The following AP2B1 variants were observed in gnomAD, a reference collection of about 807,000 sequenced individuals.
AP2B1 encodes the protein AP-2 complex subunit beta.
AP2B1 carries 23 observed loss-of-function variants against 102.0 expected under a neutral mutation model. The ratio of observed to expected loss-of-function variants is 0.23; its 90% CI spans 0.16 to 0.32. The LOEUF is 0.32. AP2B1 is among the 10% of genes least tolerant of loss of function. The pLI is 1.00. For synonymous variants in AP2B1, 381 were observed against 421.2 expected (o/e 0.90, Z 1.17); for missense variants, 541 against 1,157.4 (o/e 0.47, Z 7.73).
At chr17:35,679,671 G>C (rs1598267233) in intron 17 of AP2B1, among the ~76,000 whole-genome samples, 1 of 152,054 alleles carries the variant, frequency 6.6e-6, no homozygotes, top group East Asian at 1.9e-4. Context: ...TCTTAAATGA[G>C]CACTTGGAAG....
intron 11 of AP2B1, among the ~76,000 whole-genome samples, chr17:35,640,192 C>T (rs887545531): frequency 3.3e-5 from 5 of 149,952 alleles, no homozygotes; most frequent in African/African-American, 4.9e-5. Flanking sequence ...GCTGGGATTA[C>T]GGGCATGAGC....
At chr17:35,690,508 C>T (rs2076020049) in intron 18 of AP2B1, among the ~76,000 whole-genome samples, 1 of 152,208 alleles carries the variant, frequency 6.6e-6, no homozygotes, top group Non-Finnish European at 1.5e-5. Context: ...ATTTTATCCT[C>T]TCTAAAAGAA....
chr17:35,600,954 T>G (rs2073460065), intron 3 of AP2B1: 1 of 977,690 alleles, frequency 1.0e-6, no homozygotes. Flanking sequence ...TCTTCTGAGG[T>G]GAATTTTTGT....
intron 21 of AP2B1, among the ~76,000 whole-genome samples, chr17:35,722,701 T>A (rs2085437415): frequency 6.6e-6 from 1 of 152,118 alleles, no homozygotes; most frequent in Non-Finnish European, 1.5e-5. Flanking sequence ...TCAAGACAAT[T>A]TTTGTTGACC....
chr17:35,719,143 A>C (rs2085277674), intron 21 of AP2B1, among the ~76,000 whole-genome samples: 1 of 152,202 alleles, frequency 6.6e-6, no homozygotes, highest in Non-Finnish European at 1.5e-5. Context: ...CCCATTAATA[A>C]TAACATCTTA....
intron 20 of AP2B1, among the ~76,000 whole-genome samples, chr17:35,715,292 T>G (rs2076530603): frequency 6.6e-6 from 1 of 152,092 alleles, no homozygotes; most frequent in African/African-American, 2.4e-5. Flanking sequence ...TCTAGAAGAG[T>G]GAGAATAAGA....
chr17:35,634,266 G>A (rs2074543906), intron 9 of AP2B1, among the ~76,000 whole-genome samples: 1 of 152,196 alleles, frequency 6.6e-6, no homozygotes, highest in Non-Finnish European at 1.5e-5. Context: ...GTCTGGATTT[G>A]GCTGTTGTAT....
intron 1 of AP2B1, among the ~76,000 whole-genome samples, chr17:35,589,647 A>G (rs2073021332): frequency 6.6e-6 from 1 of 152,198 alleles, no homozygotes; most frequent in Admixed American, 6.5e-5. Context: ...GGTCGAGGGC[A>G]AGTAAGAGTG....
chr17:35,596,117 C>T (rs1007523879), intron 2 of AP2B1, among the ~76,000 whole-genome samples: 1 of 152,138 alleles, frequency 6.6e-6, no homozygotes, highest in Non-Finnish European at 1.5e-5. Flanking sequence ...GCCACTGAAA[C>T]ATATTCTTTA....
chr17:35,713,965 G>A (rs1320370986), intron 20 of AP2B1, among the ~76,000 whole-genome samples: 2 of 152,210 alleles, frequency 1.3e-5, no homozygotes, highest in Non-Finnish European at 2.9e-5. Flanking sequence ...TGCATTTGGG[G>A]TTAATAGGTA....
At chr17:35,621,223 T>C (rs769273243) in intron 5 of AP2B1, 6 of 720,340 alleles carry the variant, frequency 8.3e-6, no homozygotes, top group Non-Finnish European at 6.8e-6. Flanking sequence ...TCATGTACTC[T>C]CTAGCCACCC....
In AP2B1 at chr17:35,624,376, T is replaced by A. The variant is rs1466805423; in HGVS notation, c.526-21T>A. On this transcript the variant is annotated intron_variant, in intron 5 of 21. Transcript: ENST00000610402. ...CTGTGCTGTTCTTGGTGAATCAAGG[T>A]CATACCCCCTTCTTTTCCAGGTGGT... The A allele has an allele frequency of 2.5e-6, 4 of 1,613,090 alleles. 1 individual carries two copies. The South Asian group carries it at 4.4e-5, about 18-fold the overall frequency.
chr17:35,673,250 G>A (rs1233189600), intron 16 of AP2B1, among the ~76,000 whole-genome samples: 2 of 151,982 alleles, frequency 1.3e-5, no homozygotes, highest in East Asian at 1.9e-4. Context: ...TCACTCTGTC[G>A]CCCAGGCTGG....
intron 5 of AP2B1, among the ~76,000 whole-genome samples, chr17:35,610,097 A>C (rs772269526): frequency 2.6e-5 from 4 of 151,628 alleles, no homozygotes; most frequent in Admixed American, 2.6e-4. Context: ...AGAAGATTCA[A>C]CCCTGCCTTT....
chr17:35,627,840 T>C lies in AP2B1; in HGVS notation c.1155+114T>C, dbSNP rs184408841. 3.9e-5 allele frequency: 33 copies of C among 856,426 alleles called. No homozygotes were observed. In the East Asian group the frequency reaches 9.4e-4, roughly 24 times the overall value. The allele number at this position is 856,426 out of a possible 1,614,324, so 53.1% of individuals were successfully genotyped here. A position where few individuals can be genotyped will look rare whatever the true frequency, so the allele number is the denominator to read the frequency against. The stretch of plus-strand genomic sequence containing the variant: ...AAAATAATAAAGCACACAGTTTCAA[T>C]GTTAAAGAATTTTTAATGGAAAGCA... On this transcript the variant is annotated intron_variant, in intron 9 of 21. Transcript: ENST00000610402.
chr17:35,719,813 T>C (rs4796104), intron 21 of AP2B1, among the ~76,000 whole-genome samples: 19,746 of 152,196 alleles, frequency 0.13, 1,691 homozygotes, highest in South Asian at 0.25. Flanking sequence ...CTGGTCAACA[T>C]AGTGGGACCC....
At position 35,724,752 on chromosome 17, in the gene AP2B1, T is replaced by C. The variant is rs2085491389; in HGVS notation, c.*1053T>C. The C allele has an allele frequency of 1.3e-5, 2 of 152,340 alleles. No individual in the cohort carries two copies. The highest frequency in any genetic ancestry group is 4.1e-4 in the South Asian group (2 of 4,824). 9.4% of individuals were successfully genotyped at this position (152,340 alleles called of 1,614,324 possible). On this transcript the variant is annotated 3_prime_UTR_variant, in exon 22 of 22. Coordinates refer to ENST00000610402, the MANE Select transcript of AP2B1 (RefSeq NM_001030006.2). Reference sequence around the variant, plus strand: ...TCTCCTAAGTCCCCGTCAGTGTGGTTTTCACCACAGGACTGTCTCTTGTCG... The same window carrying C: ...TCTCCTAAGTCCCCGTCAGTGTGGTCTTCACCACAGGACTGTCTCTTGTCG...
At chr17:35,601,086 C>A in intron 3 of AP2B1, 1 of 803,822 alleles carries the variant, frequency 1.2e-6, no homozygotes, top group Non-Finnish European at 1.5e-6. Context: ...GTACATCAGG[C>A]TGGCATAGTA....
intron 10 of AP2B1, among the ~76,000 whole-genome samples, chr17:35,638,161 G>T (rs1163128350): frequency 6.6e-6 from 1 of 152,154 alleles, no homozygotes; most frequent in Non-Finnish European, 1.5e-5. Context: ...TAAGGGTGAA[G>T]ATGTGTATCT....
Sources: gnomAD v4.1 joint callset for allele counts (sites outside exome capture counted in the v4.1 genomes callset) on GRCh38, gnomAD v4.1.1 for gene constraint, MANE v1.5 for transcripts, NCBI Gene and HGNC (gene_info 2026-07-23, HGNC 2026-07-21) for gene names.